The following BMERB1 variants were observed in gnomAD, a reference collection of about 807,000 sequenced individuals.
BMERB1 encodes bMERB domain-containing protein 1.
In BMERB1, 12 loss-of-function variants were observed where a neutral mutation model predicts 23.6. That is an observed-to-expected ratio of 0.51 (90% confidence interval 0.33 to 0.82). The LOEUF (loss-of-function observed/expected upper bound fraction) is 0.82, where lower values mean the gene tolerates loss of function less well. Among genes scored for constraint, BMERB1 ranks in the 40% least tolerant of loss-of-function variants. The pLI is 0.03. For missense variants in BMERB1, 247 were observed against 255.4 expected (o/e 0.97, Z 0.22); for synonymous variants, 122 against 96.6 (o/e 1.26, Z -1.54).
At chr16:15,482,796 G>T (rs2051333654) in intron 1 of BMERB1, among the ~76,000 whole-genome samples, 1 of 152,128 alleles carries the variant, frequency 6.6e-6, no homozygotes, top group South Asian at 2.1e-4. Context: ...CATAATAATT[G>T]TTGTAGTTAG....
chr16:15,451,504 T>A (rs1469860680), intron 1 of BMERB1, among the ~76,000 whole-genome samples: 1 of 151,664 alleles, frequency 6.6e-6, no homozygotes, highest in African/African-American at 2.4e-5. Flanking sequence ...ACGTTTGTTT[T>A]ACTTATGCCT....
At chr16:15,512,008 C>CCA in intron 1 of BMERB1, among the ~76,000 whole-genome samples, 1 of 38,286 alleles carries the variant, frequency 2.6e-5, no homozygotes. Flanking sequence ...GCAAGACTTG[C>CCA]TCTCAAAAAA....
At chr16:15,456,755 C>T (rs1475492882) in intron 1 of BMERB1, among the ~76,000 whole-genome samples, 2 of 152,124 alleles carry the variant, frequency 1.3e-5, no homozygotes, top group Non-Finnish European at 2.9e-5. Context: ...GGTGATTTAA[C>T]AATTTGATAA....
At chr16:15,480,086 C>A (rs1258604615) in intron 1 of BMERB1, among the ~76,000 whole-genome samples, 2 of 149,752 alleles carry the variant, frequency 1.3e-5, no homozygotes, top group Non-Finnish European at 3.0e-5. Context: ...AAATGTTGAT[C>A]TATGGCATGA....
intron 1 of BMERB1, among the ~76,000 whole-genome samples, chr16:15,456,731 T>C (rs776323327): frequency 5.3e-5 from 8 of 152,212 alleles, no homozygotes; most frequent in Non-Finnish European, 8.8e-5. Context: ...TAATTCTTTA[T>C]TGATGGACAG....
intron 1 of BMERB1, among the ~76,000 whole-genome samples, chr16:15,473,104 C>A (rs1164690003): frequency 6.6e-6 from 1 of 152,128 alleles, no homozygotes; most frequent in Non-Finnish European, 1.5e-5. Context: ...AGGTCATCCA[C>A]CTGCCTCAGC....
chr16:15,443,115 G>A (rs1158515711), intron 1 of BMERB1, among the ~76,000 whole-genome samples: 1 of 152,102 alleles, frequency 6.6e-6, no homozygotes, highest in Non-Finnish European at 1.5e-5. Flanking sequence ...AGGCATAGTG[G>A]CATGCATCTG....
intron 1 of BMERB1, among the ~76,000 whole-genome samples, chr16:15,472,151 G>A (rs1200869629): frequency 1.3e-5 from 2 of 152,112 alleles, no homozygotes; most frequent in South Asian, 4.1e-4. Context: ...TTTTGAATTT[G>A]TTGGGGATTG....
In BMERB1 at chr16:15,489,074, G is replaced by A. The variant is rs145632459; in HGVS notation, c.107-26231G>A. Among the ~76,000 whole-genome samples, 512 of 152,208 alleles carry A rather than the reference G, an allele frequency of 3.4e-3. 1 individual carries two copies. Among genetic ancestry groups the A allele is most frequent in the African/African-American group, 0.011 (449 of 41,528 alleles). The stretch of plus-strand genomic sequence containing the variant: ...TTCCCCCAGGGGGGTTCACAGCAAA[G>A]TTCTGGGTCTGACTACTTCTGGTGT... On this transcript the variant is annotated intron_variant, in intron 1 of 5. Transcript: ENST00000300006.
At chr16:15,531,793 G>C (rs756321894) in intron 2 of BMERB1, among the ~76,000 whole-genome samples, 1 of 152,204 alleles carries the variant, frequency 6.6e-6, no homozygotes, top group Non-Finnish European at 1.5e-5. Flanking sequence ...AGCAGAGATT[G>C]AGAAGGGCTT....
At chr16:15,576,901 G>A (rs778801281) in intron 3 of BMERB1, among the ~76,000 whole-genome samples, 4 of 152,146 alleles carry the variant, frequency 2.6e-5, no homozygotes, top group South Asian at 2.1e-4. Flanking sequence ...AGCTCTCTCG[G>A]TCTCTCTCGA....
intron 1 of BMERB1, among the ~76,000 whole-genome samples, chr16:15,497,365 C>T (rs2150941690): frequency 6.6e-6 from 1 of 152,272 alleles, no homozygotes; most frequent in Non-Finnish European, 1.5e-5. Context: ...TGTCTGGATG[C>T]TGTAATCTGG....
At chr16:15,489,526 G>C (rs4780571) in intron 1 of BMERB1, among the ~76,000 whole-genome samples, 3,160 of 152,190 alleles carry the variant, frequency 0.021, 115 homozygotes, top group Admixed American at 0.096. Flanking sequence ...CTGGACTTCT[G>C]TGCAGGGTCA....
intron 1 of BMERB1, among the ~76,000 whole-genome samples, chr16:15,442,496 A>G (rs1187020557): frequency 6.6e-6 from 1 of 152,192 alleles, no homozygotes; most frequent in Non-Finnish European, 1.5e-5. Flanking sequence ...ACAGTTGAGT[A>G]ATGTCTGCTC....
chr16:15,502,023 T>A (rs1345498607), intron 1 of BMERB1, among the ~76,000 whole-genome samples: 1 of 152,216 alleles, frequency 6.6e-6, no homozygotes, highest in Non-Finnish European at 1.5e-5. Flanking sequence ...TTCTCTCTTT[T>A]ATGACCCCCG....
chr16:15,493,482 T>C (rs2051442285), intron 1 of BMERB1, among the ~76,000 whole-genome samples: 1 of 152,132 alleles, frequency 6.6e-6, no homozygotes, highest in Admixed American at 6.5e-5. Context: ...CCTAAGGATT[T>C]CCAGTACTGA....
intron 1 of BMERB1, among the ~76,000 whole-genome samples, chr16:15,512,908 G>A (rs2051689406): frequency 6.6e-6 from 1 of 151,652 alleles, no homozygotes; most frequent in Non-Finnish European, 1.5e-5. Flanking sequence ...AGGAAAAAGA[G>A]AACAACTTTC....
chr16:15,502,201 G>C (rs532989136), intron 1 of BMERB1: 15 of 1,260,118 alleles, frequency 1.2e-5, no homozygotes, highest in African/African-American at 8.9e-5. Flanking sequence ...TGACACGTCA[G>C]ATGTGGCTGG....
chr16:15,480,541 T>A (rs1235441858), intron 1 of BMERB1, among the ~76,000 whole-genome samples: 1 of 151,890 alleles, frequency 6.6e-6, no homozygotes. Flanking sequence ...TTCATTTGAT[T>A]GTGTGCCTAG....
Sources: gnomAD v4.1 joint callset for allele counts (sites outside exome capture counted in the v4.1 genomes callset) on GRCh38, gnomAD v4.1.1 for gene constraint, MANE v1.5 for transcripts, NCBI Gene and HGNC (gene_info 2026-07-23, HGNC 2026-07-21) for gene names.